The following NRAP variants were observed in gnomAD, a reference collection of about 807,000 sequenced individuals.
NRAP encodes nebulin-related-anchoring protein.
A neutral mutation model predicts 225.9 loss-of-function variants in NRAP; 189 were observed. The ratio of observed to expected loss-of-function variants is 0.84; its 90% CI spans 0.74 to 0.94. NRAP has a LOEUF of 0.94. Among genes scored for constraint, NRAP ranks in the 40% least tolerant of loss-of-function variants. NRAP has a pLI of 0.00. For synonymous variants in NRAP, 769 were observed against 790.7 expected, an observed-to-expected ratio of 0.97 and a Z score of 0.46; for missense variants, 2,176 against 2,168.7, an observed-to-expected ratio of 1.00 and a Z score of -0.07.
intron 23 of NRAP, 78 bp downstream of exon 23, chr10:113,623,451 C>T: frequency 1.1e-6 from 1 of 870,464 alleles, no homozygotes; most frequent in East Asian, 2.5e-5. Context: ...TAAGAACCTG[C>T]CCAGACACTC....
intron 14 of NRAP, among the ~76,000 whole-genome samples, chr10:113,636,737 A>C (rs1848888705): frequency 1.3e-5 from 2 of 152,132 alleles, no homozygotes; most frequent in South Asian, 4.1e-4. Flanking sequence ...GGCCAGGGGC[A>C]GTGGCTCATG....
intron 3 of NRAP, among the ~76,000 whole-genome samples, chr10:113,659,550 C>G (rs938231394): frequency 6.6e-5 from 10 of 152,120 alleles, no homozygotes; most frequent in African/African-American, 2.4e-4. Flanking sequence ...CCCTAGGGAC[C>G]TTTCGTGAGA....
intron 12 of NRAP, among the ~76,000 whole-genome samples, chr10:113,641,878 G>T (rs934978904): frequency 6.6e-6 from 1 of 152,152 alleles, no homozygotes; most frequent in Non-Finnish European, 1.5e-5. Context: ...ATCACTGCAT[G>T]CCATTACCTC....
intron 12 of NRAP, 89 bp from the exon 13 acceptor site, chr10:113,641,561 G>C: frequency 1.3e-6 from 1 of 746,688 alleles, no homozygotes; most frequent in Non-Finnish European, 2.3e-6. Flanking sequence ...TAAATCCAAG[G>C]CATAAATGAT....
intron 4 of NRAP, among the ~76,000 whole-genome samples, chr10:113,655,590 G>A (rs1850262609): frequency 1.3e-5 from 2 of 151,808 alleles, no homozygotes; most frequent in South Asian, 2.1e-4. Context: ...CGAGAAGCTG[G>A]GATTACAGGC....
chr10:113,611,133 G>A (rs1847293944), intron 30 of NRAP, among the ~76,000 whole-genome samples: 1 of 152,226 alleles, frequency 6.6e-6, no homozygotes, highest in East Asian at 1.9e-4. Context: ...GCGCCCCCTG[G>A]GCGTCCTGCC....
intron 16 of NRAP, 115 bp downstream of exon 16, chr10:113,632,963 GGATGCC>G (rs1848655385): frequency 1.5e-6 from 1 of 674,858 alleles, no homozygotes; most frequent in Non-Finnish European, 2.7e-6. Context: ...ACAACTTGAT[GGATGCC>G]TCTGATGAGC....
At chr10:113,623,010 A>G (rs1848087300) in intron 23 of NRAP, among the ~76,000 whole-genome samples, 2 of 152,236 alleles carry the variant, frequency 1.3e-5, no homozygotes, top group Non-Finnish European at 2.9e-5. Flanking sequence ...AACAGATTGC[A>G]TTAGGCTGTA....
At chr10:113,649,856 G>A (rs532396151) in intron 9 of NRAP, among the ~76,000 whole-genome samples, 181 bp downstream of exon 9, 1 of 152,262 alleles carries the variant, frequency 6.6e-6, no homozygotes, top group East Asian at 1.9e-4. Context: ...TCCTAAGTGG[G>A]TCAAGTTGAG....
chr10:113,650,350 G>A, intron 8 of NRAP, 88 bp downstream of exon 8: 1 of 1,004,780 alleles, frequency 1.0e-6, no homozygotes. Context: ...CAGGGTAAAT[G>A]CAAAAGTCAA....
intron 39 of NRAP, 46 bp from the exon 40 acceptor site, chr10:113,590,935 C>A (rs745314850): frequency 1.3e-6 from 2 of 1,556,102 alleles, no homozygotes; most frequent in South Asian, 1.2e-5. Context: ...CCTACCTCCC[C>A]CAGGACCAGC....
In NRAP at chr10:113,654,086, A is replaced by G; in HGVS notation, c.400T>C (p.Cys134Arg). ...TCGGGGTCTGGCAGAGCTCCTGGGC[A>G]CCAAGCATTCCCTTCCCCATATCCA... ...WTGYGEGNAW[C>R]PGALPDPEIV... is the part of the protein sequence containing the mutation. The change falls in exon 5 of 42, where the codon TGC becomes CGC. Residue 134 changes from cysteine to arginine, a missense_variant. Transcript: ENST00000359988. 6.2e-7 allele frequency: 1 copy of G among 1,613,860 alleles called. No individual in the cohort carries two copies. Among genetic ancestry groups the G allele is most frequent in the Non-Finnish European group, 8.5e-7 (1 of 1,179,746 alleles).
At position 113,592,246 on chromosome 10, in the gene NRAP, A is replaced by G. The variant is rs11196389; in HGVS notation, c.4592T>C (p.Leu1531Pro). ...QTRAGSYDFR[L>P]DAIPFQTARA... ...GGCAGTCTGGAAGGGGATGGCATCC[A>G]GCCTGAAGTCATAACTGCCAGCCCG... is the stretch of plus-strand genomic sequence containing the variant. Residue 1531 changes from leucine to proline, a missense_variant, in exon 39 of 42, where the codon CTG becomes CCG. This residue lies in a region of NRAP where 445 missense variants were observed against 426.1 expected (regional missense o/e 1.04). Coordinates refer to ENST00000359988, the MANE Select transcript of NRAP (RefSeq NM_198060.4). The G allele has an allele frequency of 0.11, 181,219 of 1,611,850 alleles. 10,748 individuals carry two copies. The highest frequency in any genetic ancestry group is 0.12 in the Non-Finnish European group (141,485 of 1,178,600).
intron 4 of NRAP, 45 bp downstream of exon 4, chr10:113,657,425 T>C: frequency 1.1e-6 from 1 of 949,032 alleles, no homozygotes; most frequent in Non-Finnish European, 1.7e-6. Context: ...TGACATAGTA[T>C]GTCATTCTTT....
intron 15 of NRAP, 26 bp from the exon 16 acceptor site, chr10:113,633,214 G>C (rs1848672287): frequency 3.0e-6 from 4 of 1,339,744 alleles, no homozygotes; most frequent in Non-Finnish European, 4.3e-6. Context: ...TAAATCTGTA[G>C]GGTTTTTATA....
chr10:113,615,761 T>A lies in NRAP; in HGVS notation c.3029A>T (p.Asp1010Val). ...CTTGGCCAGCAGGACTTCAGGGAGG[T>A]CAGCAGTCGGTGTGTAATGATGCTT... ...NIKHHYTPTA[D>V]LPEVLLAKLN... Residue 1010 changes from aspartate (D) to valine (V), a missense_variant, in exon 27 of 42, where the codon GAC becomes GTC. This residue lies in a region of NRAP where 1,708 missense variants were observed against 1,695.5 expected (regional missense o/e 1.01). Coordinates refer to ENST00000359988, the MANE Select transcript of NRAP (RefSeq NM_198060.4). 6.2e-7 allele frequency: 1 copy of A among 1,612,212 alleles called. No individual in the cohort carries two copies. The highest frequency in any genetic ancestry group is 8.5e-7 in the Non-Finnish European group (1 of 1,178,422).
chr10:113,627,511 ACGGGG>A (rs1848351675), intron 20 of NRAP, among the ~76,000 whole-genome samples: 1 of 152,216 alleles, frequency 6.6e-6, no homozygotes, highest in African/African-American at 2.4e-5. Flanking sequence ...TCCAAGACAG[ACGGGG>A]CTCTGATTGC....
chr10:113,596,996 C>T, intron 37 of NRAP, 90 bp downstream of exon 37: 1 of 830,930 alleles, frequency 1.2e-6, no homozygotes, highest in Non-Finnish European at 2.1e-6. Context: ...TTTGCACCCC[C>T]ATCTGTCCAG....
chr10:113,598,192 A>T (rs376195031), intron 35 of NRAP, 119 bp from the exon 36 acceptor site: 2 of 722,688 alleles, frequency 2.8e-6, no homozygotes, highest in African/African-American at 1.7e-5. Flanking sequence ...ACATTTCAAC[A>T]TCTTCACTGG....
Sources: gnomAD v4.1 joint callset for allele counts (sites outside exome capture counted in the v4.1 genomes callset) on GRCh38, gnomAD v4.1.1 for gene constraint, gnomAD v4.1.1 regional missense constraint, MANE v1.5 for transcripts, NCBI Gene and HGNC (gene_info 2026-07-23, HGNC 2026-07-21) for gene names.